LCLAT1: variants seen among roughly 807,000 people sequenced by gnomAD.
LCLAT1 encodes 1-AGP acyltransferase 8.
A neutral mutation model predicts 30.7 loss-of-function variants in LCLAT1; 11 were observed. The observed-to-expected ratio is 0.36, with a 90% CI of 0.23 to 0.59. The LOEUF is 0.59. LCLAT1 is among the 20% of genes least tolerant of loss of function. The probability of loss-of-function intolerance (pLI) is 0.77; values close to 1 mark genes in which losing one functional copy is unlikely to be tolerated. For missense variants in LCLAT1, 402 were observed against 458.6 expected (o/e 0.88, Z 1.13); for synonymous variants, 155 against 151.3 (o/e 1.02, Z -0.18).
intron 1 of LCLAT1, among the ~76,000 whole-genome samples, chr2:30,465,242 G>T (rs761287330): frequency 3.3e-5 from 5 of 152,144 alleles, no homozygotes; most frequent in Non-Finnish European, 7.3e-5. Flanking sequence ...GAGATTATAC[G>T]TACACAGAGG....
At chr2:30,552,254 C>T (rs142207745) in intron 3 of LCLAT1, among the ~76,000 whole-genome samples, 1 of 152,202 alleles carries the variant, frequency 6.6e-6, no homozygotes, top group African/African-American at 2.4e-5. Context: ...TAACATGAAC[C>T]CCAAAATTGT....
intron 3 of LCLAT1, among the ~76,000 whole-genome samples, chr2:30,548,849 C>T (rs918116019): frequency 6.6e-6 from 1 of 151,952 alleles, no homozygotes; most frequent in African/African-American, 2.4e-5. Context: ...TCACAATATA[C>T]AGGGTTAAAC....
At chr2:30,612,546 A>T (rs571744394) in intron 5 of LCLAT1, among the ~76,000 whole-genome samples, 9 of 152,302 alleles carry the variant, frequency 5.9e-5, no homozygotes, top group African/African-American at 2.2e-4. Flanking sequence ...AGCTTGCCTG[A>T]CAACTCATGA....
At chr2:30,612,409 A>T (rs901446035) in intron 5 of LCLAT1, among the ~76,000 whole-genome samples, 3 of 152,162 alleles carry the variant, frequency 2.0e-5, no homozygotes, top group African/African-American at 7.2e-5. Flanking sequence ...AGAGGTCTCT[A>T]GCTTCCTGTC....
intron 2 of LCLAT1, among the ~76,000 whole-genome samples, chr2:30,528,440 GA>G (rs1301321631): frequency 1.3e-5 from 2 of 152,188 alleles, no homozygotes; most frequent in African/African-American, 4.8e-5. Flanking sequence ...GCAGAGAAGA[GA>G]ATGAATTTTT....
intron 1 of LCLAT1, among the ~76,000 whole-genome samples, chr2:30,477,130 G>A (rs2148302011): frequency 6.6e-6 from 1 of 152,230 alleles, no homozygotes. Context: ...AATCCTTTGA[G>A]GGCATTTATG....
chr2:30,511,144 A>G (rs186747802), intron 1 of LCLAT1, among the ~76,000 whole-genome samples: 43 of 152,292 alleles, frequency 2.8e-4, no homozygotes, highest in Middle Eastern at 3.4e-3. Flanking sequence ...AGAGGCTTGC[A>G]CGTAGGTGAG....
chr2:30,463,145 A>C (rs540488244), intron 1 of LCLAT1, among the ~76,000 whole-genome samples: 1 of 151,772 alleles, frequency 6.6e-6, no homozygotes, highest in Non-Finnish European at 1.5e-5. Context: ...ATATTTATAC[A>C]TTTATATATT....
chr2:30,524,583 T>A (rs75757006), intron 1 of LCLAT1, among the ~76,000 whole-genome samples: 11,385 of 152,216 alleles, frequency 0.075, 806 homozygotes, highest in African/African-American at 0.18. Flanking sequence ...TGAAATCTGA[T>A]GCCATGCCTC....
intron 1 of LCLAT1, among the ~76,000 whole-genome samples, chr2:30,502,940 C>G (rs527576346): frequency 6.6e-6 from 1 of 152,188 alleles, no homozygotes; most frequent in Non-Finnish European, 1.5e-5. Flanking sequence ...CAGTACTGTT[C>G]CTTGCAGAAC....
intron 1 of LCLAT1, among the ~76,000 whole-genome samples, chr2:30,517,787 G>T (rs1685257221): frequency 6.6e-6 from 1 of 152,120 alleles, no homozygotes; most frequent in Non-Finnish European, 1.5e-5. Context: ...GAAAGAAAGA[G>T]AAGTAGTAAA....
intron 1 of LCLAT1, among the ~76,000 whole-genome samples, chr2:30,493,334 A>T (rs890520625): frequency 2.0e-5 from 3 of 152,222 alleles, no homozygotes; most frequent in Non-Finnish European, 1.5e-5. Flanking sequence ...AATATAACTT[A>T]GTGATGTTTT....
intron 5 of LCLAT1, among the ~76,000 whole-genome samples, chr2:30,637,197 G>A (rs913074582): frequency 6.6e-6 from 1 of 152,164 alleles, no homozygotes; most frequent in African/African-American, 2.4e-5. Flanking sequence ...GGTTGTGGTT[G>A]GCGGGCAGAA....
At chr2:30,544,451 GTCTT>G (rs990741186) in intron 3 of LCLAT1, among the ~76,000 whole-genome samples, 4 of 152,134 alleles carry the variant, frequency 2.6e-5, no homozygotes, top group African/African-American at 7.2e-5. Context: ...TCATCCCTGA[GTCTT>G]TCTTTCTTCA....
intron 1 of LCLAT1, among the ~76,000 whole-genome samples, chr2:30,469,443 C>T (rs1259673784): frequency 6.6e-6 from 1 of 151,990 alleles, no homozygotes; most frequent in Non-Finnish European, 1.5e-5. Context: ...TGTAGCTATC[C>T]AGTAGTATCA....
intron 1 of LCLAT1, among the ~76,000 whole-genome samples, chr2:30,469,574 C>CTT (rs199634493): frequency 0.02 from 2,076 of 103,662 alleles, 96 homozygotes; most frequent in African/African-American, 0.062. Context: ...CAGGTCTCTT[C>CTT]TTTTTTTTTT....
At chr2:30,610,863 A>G (rs543499858) in intron 5 of LCLAT1, among the ~76,000 whole-genome samples, 58 of 152,280 alleles carry the variant, frequency 3.8e-4, no homozygotes, top group African/African-American at 1.4e-3. Context: ...GGACATGAAT[A>G]TAACTTTTTA....
intron 1 of LCLAT1, among the ~76,000 whole-genome samples, chr2:30,523,795 G>C (rs908665689): frequency 6.6e-6 from 1 of 152,208 alleles, no homozygotes; most frequent in Non-Finnish European, 1.5e-5. Context: ...TTGAACCCGG[G>C]AGGCAGAGCT....
chr2:30,622,822 A>G (rs766674404), intron 5 of LCLAT1, among the ~76,000 whole-genome samples: 30 of 152,210 alleles, frequency 2.0e-4, no homozygotes, highest in African/African-American at 6.3e-4. Context: ...TGAGCCCCCA[A>G]TCTTTCCTCT....
Sources: allele counts gnomAD v4.1 joint callset (sites outside exome capture counted in the v4.1 genomes callset), GRCh38; gene constraint gnomAD v4.1.1; transcripts MANE v1.5; gene names NCBI Gene and HGNC (gene_info 2026-07-23, HGNC 2026-07-21).